Variants in PTPN2 observed in about 807,000 individuals in gnomAD.
PTPN2 encodes tyrosine-protein phosphatase non-receptor type 2.
In PTPN2, 19 loss-of-function variants were observed where a neutral mutation model predicts 57.3. The ratio of observed to expected loss-of-function variants is 0.33; its 90% CI spans 0.23 to 0.49. The LOEUF (loss-of-function observed/expected upper bound fraction) is 0.49, where lower values mean the gene tolerates loss of function less well. PTPN2 is among the 20% of genes least tolerant of loss of function. The pLI, the probability that PTPN2 is intolerant of heterozygous loss-of-function variation, is 0.99. For synonymous variants in PTPN2, 153 were observed against 164.9 expected (o/e 0.93, Z 0.55); for missense variants, 358 against 501.1 (o/e 0.71, Z 2.73).
intron 7 of PTPN2, among the ~76,000 whole-genome samples, chr18:12,810,814 G>A (rs949561324): frequency 1.3e-5 from 2 of 152,140 alleles, no homozygotes; most frequent in African/African-American, 4.8e-5. Context: ...GAGTAGTGGG[G>A]TAGAACTGAA....
intron 2 of PTPN2, among the ~76,000 whole-genome samples, chr18:12,856,627 G>A (rs1270225613): frequency 6.6e-6 from 1 of 152,202 alleles, no homozygotes; most frequent in East Asian, 1.9e-4. Flanking sequence ...GAGTCTCCCT[G>A]CAGCCTTCAA....
intron 1 of PTPN2, among the ~76,000 whole-genome samples, chr18:12,876,986 G>A (rs1259443503): frequency 1.3e-5 from 2 of 152,144 alleles, no homozygotes; most frequent in Non-Finnish European, 2.9e-5. Flanking sequence ...GGTAAATTAG[G>A]GCAGTGCTGA....
intron 1 of PTPN2, among the ~76,000 whole-genome samples, chr18:12,882,806 T>TA (rs2044705188): frequency 6.6e-6 from 1 of 152,238 alleles, no homozygotes; most frequent in African/African-American, 2.4e-5. Context: ...GCCATCTAAT[T>TA]AAATGGAAAG....
intron 1 of PTPN2, among the ~76,000 whole-genome samples, chr18:12,869,682 A>G (rs2145505736): frequency 6.6e-6 from 1 of 152,352 alleles, no homozygotes; most frequent in Non-Finnish European, 1.5e-5. Flanking sequence ...AGGAAATTGA[A>G]AAAGAATAAT....
chr18:12,816,732 T>G (rs1242966323), intron 6 of PTPN2, among the ~76,000 whole-genome samples: 1 of 152,202 alleles, frequency 6.6e-6, no homozygotes, highest in African/African-American at 2.4e-5. Flanking sequence ...TAAGTCTCCT[T>G]AATGTATTAA....
intron 2 of PTPN2, among the ~76,000 whole-genome samples, chr18:12,838,227 C>A (rs1230609619): frequency 6.6e-6 from 1 of 152,112 alleles, no homozygotes; most frequent in Non-Finnish European, 1.5e-5. Flanking sequence ...AGAACACTAA[C>A]CAAAGGCTAC....
chr18:12,840,084 A>G (rs1354336925), intron 2 of PTPN2, among the ~76,000 whole-genome samples: 1 of 152,222 alleles, frequency 6.6e-6, no homozygotes, highest in African/African-American at 2.4e-5. Context: ...AACAGGTTAA[A>G]TCACAGCAAA....
intron 5 of PTPN2, among the ~76,000 whole-genome samples, chr18:12,822,357 A>C (rs1418289401): frequency 3.3e-5 from 5 of 152,224 alleles, no homozygotes; most frequent in Admixed American, 3.3e-4. Context: ...CATTACAGAA[A>C]TAGTGAAGGG....
chr18:12,870,603 G>C (rs541682806), intron 1 of PTPN2, among the ~76,000 whole-genome samples: 89 of 141,114 alleles, frequency 6.3e-4, no homozygotes, highest in African/African-American at 2.4e-3. Context: ...CCACCTCCCA[G>C]GTTTACACCA....
At chr18:12,807,600 T>TATATAC (rs71174144) in intron 7 of PTPN2, among the ~76,000 whole-genome samples, 2,330 of 84,768 alleles carry the variant, frequency 0.027, 77 homozygotes, top group South Asian at 0.047. Context: ...TATATATATA[T>TATATAC]ATATAATATA....
At chr18:12,851,530 C>A (rs925619470) in intron 2 of PTPN2, among the ~76,000 whole-genome samples, 2 of 151,840 alleles carry the variant, frequency 1.3e-5, no homozygotes, top group East Asian at 1.9e-4. Flanking sequence ...TTATATAAAT[C>A]TATTTCTTTA....
At chr18:12,868,272 C>G (rs2044062488) in intron 1 of PTPN2, among the ~76,000 whole-genome samples, 1 of 150,790 alleles carries the variant, frequency 6.6e-6, no homozygotes, top group Admixed American at 6.6e-5. Flanking sequence ...GAGATTGAGT[C>G]TCACTCTGTC....
intron 2 of PTPN2, chr18:12,844,003 C>T (rs2043134769): frequency 6.6e-6 from 1 of 152,210 alleles, no homozygotes; most frequent in Non-Finnish European, 1.5e-5. Flanking sequence ...CGAGAATTCT[C>T]ATCATTTCAA....
intron 1 of PTPN2, among the ~76,000 whole-genome samples, chr18:12,870,281 A>G (rs1183953459): frequency 1.3e-5 from 1 of 75,502 alleles, no homozygotes; most frequent in African/African-American, 7.8e-5. Context: ...ATGTATATAT[A>G]TACATATACA....
chr18:12,837,096 G>A (rs1489257751), intron 2 of PTPN2, among the ~76,000 whole-genome samples: 1 of 152,110 alleles, frequency 6.6e-6, no homozygotes, highest in Non-Finnish European at 1.5e-5. Flanking sequence ...CTATAGTGCT[G>A]GAAAGGAAGC....
intron 1 of PTPN2, among the ~76,000 whole-genome samples, chr18:12,867,166 A>T (rs915371014): frequency 6.6e-6 from 1 of 152,032 alleles, no homozygotes; most frequent in Non-Finnish European, 1.5e-5. Flanking sequence ...TAATAAATAA[A>T]AATAAAGCCA....
chr18:12,794,579 A>G, intron 8 of PTPN2, 94 bp from the exon 9 acceptor site: 2 of 1,423,666 alleles, frequency 1.4e-6, no homozygotes, highest in Non-Finnish European at 9.4e-7. Flanking sequence ...AAAACCATCC[A>G]CATAGTTTTC....
At chr18:12,820,266 C>G (rs2145330641) in intron 5 of PTPN2, among the ~76,000 whole-genome samples, 1 of 151,992 alleles carries the variant, frequency 6.6e-6, no homozygotes, top group Admixed American at 6.5e-5. Context: ...TTTTTTTTCC[C>G]CCCTACAGAA....
rs960969435 is a variant in PTPN2, at chr18:12,884,208, C to T, written c.-67G>A. Reference sequence around the variant, plus strand: ...GGAGAGGCTCAGGCCCCGCACGATCCGGGGAGAGCGCTGGCGCTGCGGCGC... The same window carrying T: ...GGAGAGGCTCAGGCCCCGCACGATCTGGGGAGAGCGCTGGCGCTGCGGCGC... On this transcript the variant is annotated 5_prime_UTR_variant, in exon 1 of 9. Coordinates refer to ENST00000309660, the MANE Select transcript of PTPN2 (RefSeq NM_002828.4). 14 of 1,302,150 alleles carry T rather than the reference C, an allele frequency of 1.1e-5. No individual in the cohort carries two copies. The highest frequency in any genetic ancestry group is 7.9e-5 in the African/African-American group (5 of 63,596). 80.7% of individuals were successfully genotyped at this position (1,302,150 alleles called of 1,614,324 possible). A position where few individuals can be genotyped will look rare whatever the true frequency, so the allele number is the denominator to read the frequency against.
Sources: allele counts gnomAD v4.1 joint callset (sites outside exome capture counted in the v4.1 genomes callset), GRCh38; gene constraint gnomAD v4.1.1; transcripts MANE v1.5; gene names NCBI Gene and HGNC (gene_info 2026-07-23, HGNC 2026-07-21).